The following NOL11 variants were observed in gnomAD, a reference collection of about 807,000 sequenced individuals.
NOL11 encodes the protein nucleolar protein 11.
A neutral mutation model predicts 93.0 loss-of-function variants in NOL11; 42 were observed. That is an observed-to-expected ratio of 0.45 (90% CI 0.35 to 0.58). NOL11 has a LOEUF of 0.58. NOL11 is among the 20% of genes least tolerant of loss of function. The pLI, the probability that NOL11 is intolerant of heterozygous loss-of-function variation, is 0.00. For missense variants in NOL11, 775 were observed against 841.8 expected (o/e 0.92, Z 0.98); for synonymous variants, 296 against 293.7 (o/e 1.01, Z -0.08).
intron 7 of NOL11, among the ~76,000 whole-genome samples, chr17:67,728,307 C>T (rs1419537233): frequency 2.0e-5 from 3 of 152,118 alleles, no homozygotes; most frequent in African/African-American, 7.2e-5. Context: ...GTGCCTGGCA[C>T]TTTACTAAGA....
intron 16 of NOL11, 133 bp downstream of exon 16, chr17:67,739,741 C>A: frequency 1.6e-6 from 1 of 609,140 alleles, no homozygotes; most frequent in Non-Finnish European, 2.9e-6. Context: ...CTCATAAAAC[C>A]AAACCACTGC....
chr17:67,741,506 CACTT>C (rs1270830703), intron 16 of NOL11, among the ~76,000 whole-genome samples: 3 of 152,080 alleles, frequency 2.0e-5, no homozygotes, highest in Non-Finnish European at 4.4e-5. Context: ...AGGCATGAGA[CACTT>C]ACCTAGCCTA....
At chr17:67,726,406 AATAGAT>A in intron 6 of NOL11, 48 bp from the exon 7 acceptor site, 5 of 1,437,096 alleles carry the variant, frequency 3.5e-6, no homozygotes, top group Non-Finnish European at 4.7e-6. Flanking sequence ...ATTTAACTGT[AATAGAT>A]ATAGAAGTAT....
At chr17:67,723,161 C>T (rs1325099018) in intron 5 of NOL11, among the ~76,000 whole-genome samples, 2 of 151,662 alleles carry the variant, frequency 1.3e-5, no homozygotes, top group East Asian at 1.9e-4. Context: ...TACAGGCATG[C>T]ACCACCACGC....
At chr17:67,718,719 G>A (rs1420327880) in intron 1 of NOL11, among the ~76,000 whole-genome samples, 1 of 152,166 alleles carries the variant, frequency 6.6e-6, no homozygotes, top group Admixed American at 6.5e-5. Flanking sequence ...TTTGGTGGTC[G>A]CATAGAAAGC....
At chr17:67,738,850 C>A in intron 14 of NOL11, 82 bp from the exon 15 acceptor site, 2 of 856,446 alleles carry the variant, frequency 2.3e-6, no homozygotes, top group South Asian at 1.6e-5. Context: ...ATTTAGAAAA[C>A]TAACATTGAC....
chr17:67,726,579 G>A lies in NOL11; in HGVS notation c.784G>A (p.Gly262Arg). 6.2e-7 allele frequency: 1 copy of A among 1,614,030 alleles called. No individual in the cohort carries two copies. Among genetic ancestry groups the A allele is most frequent in the Non-Finnish European group, 8.5e-7 (1 of 1,179,970 alleles). Reference protein sequence around the residue: ...KAVVSGNARNGVALTALDQDH... With the variant: ...KAVVSGNARNRVALTALDQDH... ...TGTTGTATCTGGTAACGCTCGAAATGGAGTTGCACTCACTGCCCTGGATCA... is the reference window on the plus strand; with the variant it reads ...TGTTGTATCTGGTAACGCTCGAAATAGAGTTGCACTCACTGCCCTGGATCA... Residue 262 changes from glycine to arginine, a missense_variant, in exon 7 of 18, where the codon GGA becomes AGA. By Grantham distance (125) the Gly-to-Arg change is moderately radical (BLOSUM62 -2). This residue lies in a region of NOL11 where 359 missense variants were observed against 316.5 expected (regional missense o/e 1.13). Transcript: ENST00000253247.
intron 1 of NOL11, 57 bp from the exon 2 acceptor site, chr17:67,719,617 T>G: frequency 1.1e-6 from 1 of 891,046 alleles, no homozygotes; most frequent in East Asian, 2.6e-5. Context: ...TAAACTTAAT[T>G]GCTTTTAATG....
Position 67,736,704 on chromosome 17 carries a change from C to T in NOL11, c.1093C>T (p.Pro365Ser), listed in dbSNP as rs1428095109. 1 of 1,613,154 alleles carries T rather than the reference C, an allele frequency of 6.2e-7. No homozygotes were observed. Among genetic ancestry groups the T allele is most frequent in the Non-Finnish European group, 8.5e-7 (1 of 1,179,526 alleles). The change falls in exon 10 of 18, where the codon CCT becomes TCT. Residue 365 changes from proline to serine, a missense_variant. By Grantham distance (74) the Pro-to-Ser change is moderately conservative. This residue lies in a region of NOL11 where 416 missense variants were observed against 525.2 expected (regional missense o/e 0.79). Coordinates refer to ENST00000253247, the MANE Select transcript of NOL11 (RefSeq NM_015462.5). ...GTCCCATTTTGTAAACTGGGAGACACCTCAAGGATGTGGACTTGGGTTCCA... is the reference window on the plus strand; with the variant it reads ...GTCCCATTTTGTAAACTGGGAGACATCTCAAGGATGTGGACTTGGGTTCCA... Reference protein sequence around the residue: ...VVSHFVNWETPQGCGLGFQNS... With the variant: ...VVSHFVNWETSQGCGLGFQNS...
chr17:67,728,628 T>C (rs942324364), intron 7 of NOL11, among the ~76,000 whole-genome samples: 5 of 152,208 alleles, frequency 3.3e-5, no homozygotes, highest in African/African-American at 1.2e-4. Context: ...TCCTATGGTT[T>C]TTTTTTGGTC....
At chr17:67,737,231 T>G in intron 11 of NOL11, 86 bp downstream of exon 11, 1 of 850,336 alleles carries the variant, frequency 1.2e-6, no homozygotes, top group Non-Finnish European at 2.0e-6. Flanking sequence ...CTTATTTTTA[T>G]GATCATCTTT....
chr17:67,719,507 C>A, intron 1 of NOL11, 167 bp from the exon 2 acceptor site: 1 of 462,588 alleles, frequency 2.2e-6, no homozygotes, highest in Non-Finnish European at 4.0e-6. Context: ...GATTTGCCCA[C>A]CTTGACCTCT....
At chr17:67,721,346 A>G in intron 3 of NOL11, 32 bp from the exon 4 acceptor site, 1 of 1,417,712 alleles carries the variant, frequency 7.1e-7, no homozygotes, top group Non-Finnish European at 9.5e-7. Context: ...ATTGTTTTAG[A>G]ATAAAAATTA....
chr17:67,719,071 T>C (rs151083325), intron 1 of NOL11: 2 of 152,290 alleles, frequency 1.3e-5, no homozygotes, highest in East Asian at 3.9e-4. Context: ...TTTACTTATT[T>C]AGGAACTTAG....
chr17:67,737,402 CATG>C (rs1338599635), intron 11 of NOL11, 103 bp from the exon 12 acceptor site: 12 of 932,520 alleles, frequency 1.3e-5, no homozygotes, highest in Non-Finnish European at 1.8e-5. Flanking sequence ...TGCAGGAATG[CATG>C]ATAACTGTTA....
intron 1 of NOL11, chr17:67,719,134 C>T (rs1599032858): frequency 6.6e-6 from 1 of 152,100 alleles, no homozygotes; most frequent in East Asian, 1.9e-4. Flanking sequence ...CGCGGTGGTT[C>T]ACGCCTGTAA....
In NOL11 at chr17:67,738,263, C is replaced by T. The variant is rs1470214225; in HGVS notation, c.1671C>T (p.Cys557=). 5 of 1,613,632 alleles carry T rather than the reference C, an allele frequency of 3.1e-6. No individual in the cohort carries two copies. The highest frequency in any genetic ancestry group is 1.6e-4 in the Middle Eastern group (1 of 6,084). ...GCTTCAATCCTGAAGAAGATAAATG[C>T]AATAACTGTGATCAAGAGTTAAATA... ...QNGFNPEEDK[C]NNCDQELNKK... is the part of the protein sequence containing the mutation. Residue 557 remains cysteine (C), a synonymous_variant, in exon 14 of 18, where the codon TGC becomes TGT. Coordinates refer to ENST00000253247, the MANE Select transcript of NOL11 (RefSeq NM_015462.5).
intron 6 of NOL11, among the ~76,000 whole-genome samples, chr17:67,724,981 C>A (rs1044915473): frequency 1.3e-5 from 2 of 152,124 alleles, no homozygotes; most frequent in Non-Finnish European, 2.9e-5. Flanking sequence ...TGGTGTGAAC[C>A]CAGGAGGCGG....
chr17:67,738,206 A>C lies in NOL11; in HGVS notation c.1614A>C (p.Lys538Asn), dbSNP rs143893275. The change falls in exon 14 of 18, where the codon AAA becomes AAC. Residue 538 changes from lysine to asparagine, a missense_variant. Physicochemically the swap from Lys to Asn is moderately conservative, Grantham distance 94. This residue lies in a region of NOL11 where 416 missense variants were observed against 525.2 expected (regional missense o/e 0.79). Coordinates refer to ENST00000253247, the MANE Select transcript of NOL11 (RefSeq NM_015462.5). ...GTATAAATTCTGTACATGATGAGAA[A>C]ATGGAAGAGCAAACTGAAATTCTTC... ...DYSINSVHDEKMEEQTEILQN... is the reference protein window; with the variant it reads ...DYSINSVHDENMEEQTEILQN... 1.7e-5 allele frequency: 28 copies of C among 1,613,328 alleles called. No individual in the cohort carries two copies. In the African/African-American group the frequency reaches 3.6e-4, roughly 21 times the overall value.
Sources: gnomAD v4.1 joint callset for allele counts (sites outside exome capture counted in the v4.1 genomes callset) on GRCh38, gnomAD v4.1.1 for gene constraint, gnomAD v4.1.1 regional missense constraint, MANE v1.5 for transcripts, NCBI Gene and HGNC (gene_info 2026-07-23, HGNC 2026-07-21) for gene names.